The following MEIS1 variants were observed in gnomAD, a reference collection of about 807,000 sequenced individuals.
MEIS1 encodes homeobox protein Meis1.
A neutral mutation model predicts 50.8 loss-of-function variants in MEIS1; 5 were observed. That is an observed-to-expected ratio of 0.10 (90% CI 0.05 to 0.21). The LOEUF is 0.21. MEIS1 is among the 10% of genes least tolerant of loss of function. The pLI is 1.00. For synonymous variants in MEIS1, 176 were observed against 179.3 expected (o/e 0.98, Z 0.15); for missense variants, 318 against 517.3 (o/e 0.61, Z 3.74).
chr2:66,571,703 C>CT lies in MEIS1; in HGVS notation c.*496dup, dbSNP rs1485971324. The stretch of plus-strand genomic sequence containing the variant: ...AACTGAAGTCAATTTGGGGGACATG[C>CT]TAAATAACTATATAAGACATTAAGA... On this transcript the variant is annotated 3_prime_UTR_variant, in exon 13 of 13. Transcript: ENST00000272369. 5 of 651,590 alleles carry CT rather than the reference C, an allele frequency of 7.7e-6. No homozygotes were observed. In the Admixed American group the frequency reaches 1.5e-4, roughly 20 times the overall value. The allele number at this position is 651,590 out of a possible 1,614,324, so 40.4% of individuals were successfully genotyped here.
chr2:66,562,109 A>G (rs1675233862), intron 9 of MEIS1: 1 of 132,668 alleles, frequency 7.5e-6, no homozygotes, highest in African/African-American at 2.9e-5. Context: ...CAAGGGAGGA[A>G]AAGGGCAAAG....
At chr2:66,485,157 G>A (rs1324769139) in intron 7 of MEIS1, among the ~76,000 whole-genome samples, 1 of 152,018 alleles carries the variant, frequency 6.6e-6, no homozygotes, top group Non-Finnish European at 1.5e-5. Flanking sequence ...CTGCGGGTTT[G>A]TTACATAGGT....
At chr2:66,565,325 C>CA (rs1009700314) in intron 9 of MEIS1, among the ~76,000 whole-genome samples, 8 of 152,172 alleles carry the variant, frequency 5.3e-5, no homozygotes, top group African/African-American at 1.9e-4. Flanking sequence ...TGCCTATACA[C>CA]ACAAACAGTG....
chr2:66,459,728 C>T (rs576226800), intron 6 of MEIS1, among the ~76,000 whole-genome samples: 15 of 152,182 alleles, frequency 9.9e-5, no homozygotes, highest in African/African-American at 3.4e-4. Context: ...GAATGGCTCT[C>T]AGGTTTATAC....
chr2:66,516,636 A>G (rs1673977675), intron 8 of MEIS1, among the ~76,000 whole-genome samples: 1 of 151,672 alleles, frequency 6.6e-6, no homozygotes, highest in East Asian at 1.9e-4. Context: ...TTTCTGATTT[A>G]TAAGACTTCC....
At chr2:66,507,988 G>A (rs4430927) in intron 7 of MEIS1, among the ~76,000 whole-genome samples, 29,299 of 152,178 alleles carry the variant, frequency 0.19, 3,168 homozygotes, top group South Asian at 0.29. Flanking sequence ...TTTCTTTGTT[G>A]GTTGGCCTCT....
At chr2:66,460,279 T>A (rs1355272888) in intron 6 of MEIS1, among the ~76,000 whole-genome samples, 1 of 152,080 alleles carries the variant, frequency 6.6e-6, no homozygotes, top group Non-Finnish European at 1.5e-5. Flanking sequence ...AAGATACCAT[T>A]CTCACTCATG....
rs897651356 is a variant in MEIS1 at position 66,571,748 on chromosome 2, G to A, written c.*540G>A. 1.8e-6 allele frequency: 1 copy of A among 563,798 alleles called. No individual in the cohort carries two copies. The highest frequency in any genetic ancestry group is 3.1e-6 in the Non-Finnish European group (1 of 323,244). 34.9% of individuals were successfully genotyped at this position (563,798 alleles called of 1,614,324 possible). A position where few individuals can be genotyped will look rare whatever the true frequency, so the allele number is the denominator to read the frequency against. On this transcript the variant is annotated 3_prime_UTR_variant, in exon 13 of 13. Transcript: ENST00000272369. ...TTAAGAGAACAAAGAGTGAAATATT[G>A]TAAATGCTATTATACTGTTATCCAT... is the stretch of plus-strand genomic sequence containing the variant.
chr2:66,477,914 T>C (rs140726174), intron 7 of MEIS1, among the ~76,000 whole-genome samples: 67 of 152,222 alleles, frequency 4.4e-4, no homozygotes, highest in Admixed American at 8.5e-4. Context: ...TATACCGTTA[T>C]GCCTGCTGAT....
chr2:66,443,716 C>T (rs1672057254), intron 6 of MEIS1: 1 of 152,330 alleles, frequency 6.6e-6, no homozygotes, highest in South Asian at 2.1e-4. Flanking sequence ...TCCTTCTTTC[C>T]ACTCATCCTC....
chr2:66,439,595 C>A (rs1490379535), intron 2 of MEIS1: 2 of 1,531,508 alleles, frequency 1.3e-6, no homozygotes, highest in Non-Finnish European at 1.7e-6. Flanking sequence ...TTTCTCCGGC[C>A]AGATACGCTA....
chr2:66,440,877 C>A, intron 4 of MEIS1: 1 of 530,708 alleles, frequency 1.9e-6, no homozygotes, highest in Non-Finnish European at 3.3e-6. Flanking sequence ...CAGCTCTAAT[C>A]AGCGCGGGGA....
intron 8 of MEIS1, among the ~76,000 whole-genome samples, chr2:66,523,755 A>G (rs1024255118): frequency 6.6e-6 from 1 of 152,226 alleles, no homozygotes; most frequent in African/African-American, 2.4e-5. Context: ...CATTTGAACT[A>G]ACATGGGTAA....
Position 66,439,945 on chromosome 2 carries a change from A to G in MEIS1, c.342A>G (p.Ser114=). 1 of 1,613,096 alleles carries G rather than the reference A, an allele frequency of 6.2e-7. No homozygotes were observed. Residue 114 remains serine (S), a synonymous_variant, in exon 3 of 13, where the codon TCA becomes TCG. Transcript: ENST00000272369. Reference sequence around the variant, plus strand: ...TGGCGGGCGGGGACGTCTGCTCGTCAGAGTCATTCAATGAAGATATAGCCG... The same window carrying G: ...TGGCGGGCGGGGACGTCTGCTCGTCGGAGTCATTCAATGAAGATATAGCCG... ...PGVAGGDVCS[S]ESFNEDIAVF... is the part of the protein sequence containing the mutation.
chr2:66,475,490 A>G (rs755151158), intron 7 of MEIS1, among the ~76,000 whole-genome samples: 3 of 151,922 alleles, frequency 2.0e-5, no homozygotes, highest in Non-Finnish European at 2.9e-5. Flanking sequence ...ATAAACAAAA[A>G]GCCAAGAAAT....
Position 66,464,158 on chromosome 2 carries a change from G to C in MEIS1, c.680G>C (p.Gly227Ala). 7 of 1,606,798 alleles carry C rather than the reference G, an allele frequency of 4.4e-6. No homozygotes were observed. Among genetic ancestry groups the C allele is most frequent in the African/African-American group, 1.3e-5 (1 of 74,956 alleles). The change falls in exon 7 of 13, where the codon GGA becomes GCA. Residue 227 changes from glycine to alanine, a missense_variant. Gly to Ala is a moderately conservative substitution (Grantham distance 60). This residue lies in a region of MEIS1 where 48 missense variants were observed against 50.9 expected (regional missense o/e 0.94). Transcript: ENST00000272369. ...HDDTASTRSG[G>A]TPGPSSGGHT... The stretch of plus-strand genomic sequence containing the variant: ...GACACGGCATCTACTCGTTCAGGAG[G>C]AACCCCAGGCCCTTCCAGCGGTGGC...
At chr2:66,518,403 A>T (rs2103866026) in intron 8 of MEIS1, among the ~76,000 whole-genome samples, 1 of 152,232 alleles carries the variant, frequency 6.6e-6, no homozygotes, top group Non-Finnish European at 1.5e-5. Flanking sequence ...TTTTTTCCCA[A>T]GGTTAAGATA....
chr2:66,491,589 C>T (rs1471621955), intron 7 of MEIS1, among the ~76,000 whole-genome samples: 2 of 152,148 alleles, frequency 1.3e-5, no homozygotes, highest in Non-Finnish European at 2.9e-5. Context: ...TCTCTTCATC[C>T]TCTGTTTGTA....
chr2:66,473,378 CA>C (rs71409174), intron 7 of MEIS1, among the ~76,000 whole-genome samples: 779 of 53,934 alleles, frequency 0.014, 7 homozygotes, highest in Admixed American at 0.038. Flanking sequence ...GACTCCATGT[CA>C]AAAAAAAAAA....
Sources: allele counts gnomAD v4.1 joint callset (sites outside exome capture counted in the v4.1 genomes callset), GRCh38; gene constraint gnomAD v4.1.1; regional missense constraint gnomAD v4.1.1; transcripts MANE v1.5; gene names NCBI Gene and HGNC (gene_info 2026-07-23, HGNC 2026-07-21).